The following GID4 variants were observed in gnomAD, a reference collection of about 807,000 sequenced individuals.
The protein encoded by GID4 is glucose-induced degradation protein 4 homolog.
In GID4, 7 loss-of-function variants were observed where a neutral mutation model predicts 32.4. The observed-to-expected ratio is 0.22, with a 90% CI of 0.12 to 0.41. GID4 has a LOEUF of 0.41. Among genes scored for constraint, GID4 ranks in the 10% least tolerant of loss-of-function variants. GID4 has a pLI of 1.00. For synonymous variants in GID4, 166 were observed against 170.0 expected (o/e 0.98, Z 0.18); for missense variants, 309 against 400.0 (o/e 0.77, Z 1.94).
chr17:18,055,384 G>A (rs1001710517), intron 3 of GID4, among the ~76,000 whole-genome samples: 3 of 152,116 alleles, frequency 2.0e-5, no homozygotes, highest in African/African-American at 4.8e-5. Context: ...CCTGGTTCTG[G>A]CACAGCAGTC....
intron 3 of GID4, among the ~76,000 whole-genome samples, chr17:18,055,907 C>T (rs974429316): frequency 5.9e-5 from 9 of 152,154 alleles, no homozygotes; most frequent in African/African-American, 4.8e-5. Flanking sequence ...GGCGTAATCT[C>T]GGCTCACTGC....
chr17:18,057,471 A>G (rs1236745623), intron 3 of GID4: 2 of 154,954 alleles, frequency 1.3e-5, no homozygotes, highest in East Asian at 3.8e-4. Flanking sequence ...GACAAAATCT[A>G]TGACTTAATA....
chr17:18,059,955 A>T (rs933841068), intron 4 of GID4, among the ~76,000 whole-genome samples: 6 of 151,792 alleles, frequency 4.0e-5, no homozygotes, highest in Non-Finnish European at 7.4e-5. Flanking sequence ...GCATGTTGGC[A>T]TGCCCCTGTA....
At chr17:18,048,320 C>T (rs193038755) in intron 2 of GID4, among the ~76,000 whole-genome samples, 11 of 152,252 alleles carry the variant, frequency 7.2e-5, no homozygotes, top group Admixed American at 2.0e-4. Context: ...CTCAGCCTCC[C>T]GAGTAGCTGG....
Position 18,056,223 on chromosome 17 carries a change from T to A in GID4, c.606+1989T>A, listed in dbSNP as rs114534997. On this transcript the variant is annotated intron_variant, in intron 3 of 5. Transcript: ENST00000268719. ...TACTGAGGTTCAGTTAAATTTAAAT[T>A]TAAACTTGAGCTTTTTAAAGCGTTT... 6.5e-3 allele frequency among the ~76,000 whole-genome samples: 988 copies of A among 152,354 alleles called. 10 individuals are homozygous for A. Among genetic ancestry groups the A allele is most frequent in the African/African-American group, 0.023 (954 of 41,578 alleles).
rs1456915281 is a variant in GID4, at chr17:18,065,743, T to G, written c.*500T>G. On this transcript the variant is annotated 3_prime_UTR_variant, in exon 6 of 6. Coordinates refer to ENST00000268719, the MANE Select transcript of GID4 (RefSeq NM_024052.5). ...TGCAGGGAGTTGGCCAGCTGCCGCA[T>G]CATCGGCCACCAAGGGCACAAGAGG... is the stretch of plus-strand genomic sequence containing the variant. The G allele has an allele frequency of 5.2e-6, 1 of 191,008 alleles. No homozygotes were observed. The highest frequency in any genetic ancestry group is 1.5e-4 in the East Asian group (1 of 6,760). The allele number at this position is 191,008 out of a possible 1,614,324, so 11.8% of individuals were successfully genotyped here.
At chr17:18,047,875 A>G (rs986494019) in intron 2 of GID4, among the ~76,000 whole-genome samples, 3 of 151,994 alleles carry the variant, frequency 2.0e-5, no homozygotes, top group African/African-American at 7.3e-5. Context: ...TTTTTAGTGT[A>G]TTCACAAAGT....
In GID4 at chr17:18,065,268, T is replaced by G. The variant is rs202212854; in HGVS notation, c.*25T>G. 6.3e-7 allele frequency: 1 copy of G among 1,593,564 alleles called. No individual in the cohort carries two copies. The highest frequency in any genetic ancestry group is 8.6e-7 in the Non-Finnish European group (1 of 1,161,366). ...ACAACGGTTCAGAACAGCAACCAAA[T>G]AAAACTGAACTTGGCAAAAAAGAAC... On this transcript the variant is annotated 3_prime_UTR_variant, in exon 6 of 6. Transcript: ENST00000268719.
chr17:18,053,396 T>C (rs2145563056), intron 2 of GID4, among the ~76,000 whole-genome samples: 1 of 151,618 alleles, frequency 6.6e-6, no homozygotes, highest in South Asian at 2.1e-4. Context: ...GTGGATCACC[T>C]GAGGTCAGGA....
intron 2 of GID4, among the ~76,000 whole-genome samples, chr17:18,051,120 T>C (rs2044905338): frequency 6.6e-6 from 1 of 152,182 alleles, no homozygotes. Flanking sequence ...TTAAGAAAAC[T>C]AGTGATTTAA....
At position 18,055,996 on chromosome 17, in the gene GID4, A is replaced by C. The variant is rs2044963495; in HGVS notation, c.606+1762A>C. The stretch of plus-strand genomic sequence containing the variant: ...CAGCCTCTCAAGTAGCTGGGATTAC[A>C]GACGTGCACCACCGTGCCTGGCTAA... On this transcript the variant is annotated intron_variant, in intron 3 of 5. Transcript: ENST00000268719. Among the ~76,000 whole-genome samples, 3 of 152,228 alleles carry C rather than the reference A, an allele frequency of 2.0e-5. No homozygotes were observed. The South Asian group carries it at 6.2e-4, about 32-fold the overall frequency.
intron 2 of GID4, among the ~76,000 whole-genome samples, chr17:18,053,299 C>T (rs2044932186): frequency 6.6e-6 from 1 of 150,452 alleles, no homozygotes. Context: ...AGGCGTGAGC[C>T]ACCATGCCTG....
chr17:18,045,318 T>G, intron 2 of GID4, 112 bp downstream of exon 2: 1 of 714,466 alleles, frequency 1.4e-6, no homozygotes, highest in Non-Finnish European at 2.5e-6. Context: ...TAAAGCAGAC[T>G]ACTCCTGAGC....
chr17:18,060,793 GC>G (rs1567589166), intron 4 of GID4, among the ~76,000 whole-genome samples: 2 of 152,160 alleles, frequency 1.3e-5, no homozygotes, highest in Admixed American at 6.5e-5. Flanking sequence ...GAGTGCAATG[GC>G]GCGATCTCGG....
rs1036292201 is a variant in GID4, at chr17:18,066,517, G to A, written c.*1274G>A. On this transcript the variant is annotated 3_prime_UTR_variant, in exon 6 of 6. Transcript: ENST00000268719. ...TTTTGTTTTTTTAAATGTTTTAAAAGCTTAATAGGTTGGCATCAGTTGTAG... is the reference window on the plus strand; with the variant it reads ...TTTTGTTTTTTTAAATGTTTTAAAAACTTAATAGGTTGGCATCAGTTGTAG... 1 of 151,612 alleles carries A rather than the reference G, an allele frequency of 6.6e-6. No homozygotes were observed. Among genetic ancestry groups the A allele is most frequent in the Non-Finnish European group, 1.5e-5 (1 of 67,962 alleles). 9.4% of individuals were successfully genotyped at this position (151,612 alleles called of 1,614,324 possible).
intron 2 of GID4, among the ~76,000 whole-genome samples, chr17:18,049,359 A>G (rs1187200928): frequency 3.3e-5 from 5 of 150,124 alleles, no homozygotes; most frequent in Non-Finnish European, 7.4e-5. Flanking sequence ...AAAGGAGATA[A>G]GTGTCAAAAA....
chr17:18,049,917 T>C (rs1423008879), intron 2 of GID4, among the ~76,000 whole-genome samples: 1 of 152,110 alleles, frequency 6.6e-6, no homozygotes, highest in Non-Finnish European at 1.5e-5. Context: ...GGCTTGAGCC[T>C]ATTGTTTCCT....
intron 3 of GID4, 87 bp from the exon 4 acceptor site, chr17:18,058,781 G>T: frequency 2.4e-6 from 2 of 827,438 alleles, no homozygotes; most frequent in South Asian, 3.0e-5. Context: ...CCTTGGGAAG[G>T]TGAGTTTACC....
chr17:18,065,093 T>C, intron 5 of GID4, 87 bp from the exon 6 acceptor site: 5 of 904,012 alleles, frequency 5.5e-6, no homozygotes, highest in Non-Finnish European at 9.3e-6. Flanking sequence ...ACTTGTTGGG[T>C]GCTCTGCTTT....
Sources: allele counts gnomAD v4.1 joint callset (sites outside exome capture counted in the v4.1 genomes callset), GRCh38; gene constraint gnomAD v4.1.1; transcripts MANE v1.5; gene names NCBI Gene and HGNC (gene_info 2026-07-23, HGNC 2026-07-21).